Variants in EYS observed in about 807,000 individuals in gnomAD.
The protein encoded by EYS is protein eyes shut homolog.
In EYS, 250 loss-of-function variants were observed where a neutral mutation model predicts 282.1. The observed-to-expected ratio is 0.89, with a 90% CI of 0.80 to 0.98. EYS has a LOEUF of 0.98. EYS is among the 50% of genes least tolerant of loss of function. The probability of loss-of-function intolerance (pLI) is 0.00; values close to 1 mark genes in which losing one functional copy is unlikely to be tolerated. For missense variants in EYS, 4,016 were observed against 3,709.0 expected (o/e 1.08, Z -2.15); for synonymous variants, 1,355 against 1,282.9 (o/e 1.06, Z -1.20).
intron 33 of EYS, among the ~76,000 whole-genome samples, chr6:64,049,330 T>G (rs1366803112): frequency 6.6e-6 from 1 of 152,242 alleles, no homozygotes; most frequent in African/African-American, 2.4e-5. Context: ...TCTCTTCACC[T>G]TATTTTCTGT....
At chr6:65,399,037 G>T (rs1384399848) in intron 7 of EYS, among the ~76,000 whole-genome samples, 1 of 151,910 alleles carries the variant, frequency 6.6e-6, no homozygotes, top group Non-Finnish European at 1.5e-5. Flanking sequence ...CCACCATCGC[G>T]AGTCATCTTG....
At chr6:65,144,414 T>G (rs1764423244) in intron 12 of EYS, among the ~76,000 whole-genome samples, 1 of 152,210 alleles carries the variant, frequency 6.6e-6, no homozygotes, top group Admixed American at 6.6e-5. Context: ...TTTATTCAAC[T>G]TAGAAACTTG....
chr6:65,393,476 C>T (rs1766139293), intron 7 of EYS, among the ~76,000 whole-genome samples: 1 of 152,062 alleles, frequency 6.6e-6, no homozygotes, highest in Admixed American at 6.6e-5. Flanking sequence ...TTAATACATT[C>T]CTCATGCAAA....
chr6:65,423,122 A>G (rs1582271822), intron 5 of EYS, among the ~76,000 whole-genome samples: 1 of 151,860 alleles, frequency 6.6e-6, no homozygotes, highest in African/African-American at 2.4e-5. Context: ...CACCCACATA[A>G]AAATTAAATG....
intron 26 of EYS, among the ~76,000 whole-genome samples, chr6:64,537,752 T>TA (rs1382739635): frequency 1.3e-5 from 2 of 152,196 alleles, no homozygotes; most frequent in African/African-American, 2.4e-5. Context: ...TTCTTGTTCT[T>TA]AACCCTCTTA....
intron 13 of EYS, among the ~76,000 whole-genome samples, chr6:65,009,272 G>T (rs1771788570): frequency 6.6e-6 from 1 of 152,050 alleles, no homozygotes; most frequent in Admixed American, 6.5e-5. Context: ...GGACCTAAAA[G>T]CCCAAGGCCT....
chr6:65,403,749 G>A (rs2150364565), intron 6 of EYS, among the ~76,000 whole-genome samples: 1 of 151,938 alleles, frequency 6.6e-6, no homozygotes, highest in African/African-American at 2.4e-5. Context: ...TAGAATTAAA[G>A]TACTTCTATG....
At chr6:65,358,140 AGTTT>A (rs1286833878) in intron 8 of EYS, among the ~76,000 whole-genome samples, 1 of 152,018 alleles carries the variant, frequency 6.6e-6, no homozygotes, top group Non-Finnish European at 1.5e-5. Flanking sequence ...GTGTTCACTT[AGTTT>A]GATTTTTTAA....
At chr6:64,040,850 T>A (rs1486711363) in intron 33 of EYS, among the ~76,000 whole-genome samples, 1 of 152,206 alleles carries the variant, frequency 6.6e-6, no homozygotes, top group Non-Finnish European at 1.5e-5. Flanking sequence ...AAGCTGGAGC[T>A]GAGCTTTACA....
intron 11 of EYS, among the ~76,000 whole-genome samples, chr6:65,317,825 C>CCTTCCTTCCTTCCTTCCTTTCTTT (rs1562092985): frequency 1.2e-5 from 1 of 81,240 alleles, no homozygotes; most frequent in Non-Finnish European, 2.5e-5. Context: ...TTCCTTCCTT[C>CCTTCCTTCCTTCCTTCCTTTCTTT]CTTTCTTTCT....
intron 1 of EYS, among the ~76,000 whole-genome samples, chr6:65,660,584 A>G (rs556151945): frequency 6.6e-6 from 1 of 151,900 alleles, no homozygotes. Flanking sequence ...CATTTTTGGG[A>G]AAAAAGATGT....
intron 11 of EYS, chr6:65,301,003 A>G (rs1194942227): frequency 6.6e-6 from 1 of 152,160 alleles, no homozygotes; most frequent in Non-Finnish European, 1.5e-5. Context: ...CTTTCAACCA[A>G]TTCTTTGATT....
intron 31 of EYS, among the ~76,000 whole-genome samples, chr6:64,190,978 C>T (rs1006414721): frequency 6.6e-6 from 1 of 152,146 alleles, no homozygotes; most frequent in African/African-American, 2.4e-5. Flanking sequence ...ATAATAAACA[C>T]ATTTTCATAC....
intron 2 of EYS, among the ~76,000 whole-genome samples, chr6:65,529,014 G>C (rs1236948678): frequency 6.6e-6 from 1 of 152,112 alleles, no homozygotes; most frequent in African/African-American, 2.4e-5. Flanking sequence ...AGATGCAGAA[G>C]CAAGTATTAC....
At chr6:65,148,057 T>C (rs1040537202) in intron 12 of EYS, among the ~76,000 whole-genome samples, 8 of 151,968 alleles carry the variant, frequency 5.3e-5, no homozygotes, top group Non-Finnish European at 1.2e-4. Flanking sequence ...CAAGATGAGA[T>C]TCGGGTGAGC....
At chr6:65,245,813 C>T (rs1195491817) in intron 12 of EYS, among the ~76,000 whole-genome samples, 1 of 151,972 alleles carries the variant, frequency 6.6e-6, no homozygotes, top group Admixed American at 6.6e-5. Flanking sequence ...TTTGTGTTAT[C>T]ATCTCAGTGA....
At chr6:65,392,840 A>C (rs1178156066) in intron 7 of EYS, among the ~76,000 whole-genome samples, 1 of 151,842 alleles carries the variant, frequency 6.6e-6, no homozygotes, top group Non-Finnish European at 1.5e-5. Flanking sequence ...CCAAAGGAAT[A>C]TAAATCATGC....
intron 11 of EYS, among the ~76,000 whole-genome samples, chr6:65,319,006 T>G (rs1002710102): frequency 6.6e-6 from 1 of 151,622 alleles, no homozygotes; most frequent in Non-Finnish European, 1.5e-5. Flanking sequence ...ACTTTTGATT[T>G]GTGTATTTAC....
chr6:65,217,415 TA>T (rs1411111930), intron 12 of EYS, among the ~76,000 whole-genome samples: 1 of 152,070 alleles, frequency 6.6e-6, no homozygotes, highest in Non-Finnish European at 1.5e-5. Flanking sequence ...TGATCACTTA[TA>T]ATAAGGTATT....
Sources: gnomAD v4.1 joint callset for allele counts (sites outside exome capture counted in the v4.1 genomes callset) on GRCh38, gnomAD v4.1.1 for gene constraint, MANE v1.5 for transcripts, NCBI Gene and HGNC (gene_info 2026-07-23, HGNC 2026-07-21) for gene names.